WAC: variants seen among roughly 807,000 people sequenced by gnomAD.
The protein encoded by WAC is WW domain-containing adapter protein with coiled-coil.
In WAC, 11 loss-of-function variants were observed where a neutral mutation model predicts 79.6. The observed-to-expected ratio is 0.14, with a 90% CI of 0.09 to 0.23. The LOEUF is 0.23. Among genes scored for constraint, WAC ranks in the 10% least tolerant of loss-of-function variants. WAC has a pLI of 1.00. For missense variants in WAC, 728 were observed against 773.5 expected (o/e 0.94, Z 0.70); for synonymous variants, 304 against 276.9 (o/e 1.10, Z -0.97).
intron 3 of WAC, among the ~76,000 whole-genome samples, chr10:28,578,086 G>A (rs1025473308): frequency 3.3e-5 from 5 of 152,214 alleles, no homozygotes; most frequent in Non-Finnish European, 7.3e-5. Context: ...TTGAGCCCGG[G>A]AGGCAGAGGT....
intron 8 of WAC, among the ~76,000 whole-genome samples, chr10:28,609,756 T>C (rs1021160799): frequency 6.6e-6 from 1 of 151,804 alleles, no homozygotes; most frequent in Non-Finnish European, 1.5e-5. Flanking sequence ...CGCCTGTAGT[T>C]CCAGCTACTT....
chr10:28,611,460 TAAGA>T, intron 9 of WAC: 2 of 1,336,360 alleles, frequency 1.5e-6, no homozygotes. Context: ...AAATGTAGAA[TAAGA>T]AAGAAGAAAT....
chr10:28,566,229 T>C (rs888274145), intron 3 of WAC, among the ~76,000 whole-genome samples: 1 of 152,138 alleles, frequency 6.6e-6, no homozygotes, highest in Non-Finnish European at 1.5e-5. Flanking sequence ...GTTCAATAAA[T>C]TAAATGTTTG....
intron 3 of WAC, among the ~76,000 whole-genome samples, chr10:28,557,262 T>C (rs915169952): frequency 6.6e-6 from 1 of 152,244 alleles, no homozygotes; most frequent in African/African-American, 2.4e-5. Flanking sequence ...CATAATTTAA[T>C]GCATTTTCAG....
rs1370974885 is a variant in WAC at position 28,533,204 on chromosome 10, C to T, written c.-376C>T. Reference sequence around the variant, plus strand: ...GGAGGAGGAGGAGGAGAAGAAGGACCAGGCGGCGGCAGCAGCGGCGGCGGC... The same window carrying T: ...GGAGGAGGAGGAGGAGAAGAAGGACTAGGCGGCGGCAGCAGCGGCGGCGGC... On this transcript the variant is annotated 5_prime_UTR_variant, in exon 1 of 14. Transcript: ENST00000354911. 1.2e-5 allele frequency: 2 copies of T among 167,708 alleles called. No individual in the cohort carries two copies. Among genetic ancestry groups the T allele is most frequent in the African/African-American group, 2.4e-5 (1 of 40,900 alleles). The allele number at this position is 167,708 out of a possible 1,614,324, so 10.4% of individuals were successfully genotyped here. A position where few individuals can be genotyped will look rare whatever the true frequency, so the allele number is the denominator to read the frequency against.
intron 3 of WAC, among the ~76,000 whole-genome samples, chr10:28,550,828 T>C (rs1837626591): frequency 6.6e-6 from 1 of 152,194 alleles, no homozygotes; most frequent in African/African-American, 2.4e-5. Context: ...AAAAAAATTG[T>C]GTACATAATT....
At chr10:28,611,357 G>T in intron 9 of WAC, 1 of 1,295,972 alleles carries the variant, frequency 7.7e-7, no homozygotes, top group Non-Finnish European at 1.0e-6. Context: ...CAGCAGGAAT[G>T]CCTTGTCTGG....
intron 7 of WAC, among the ~76,000 whole-genome samples, chr10:28,605,348 C>T (rs2132782372): frequency 6.6e-6 from 1 of 152,200 alleles, no homozygotes; most frequent in East Asian, 1.9e-4. Context: ...GGCTTCCGTT[C>T]AGTAAATGTG....
intron 7 of WAC, among the ~76,000 whole-genome samples, chr10:28,597,319 G>C (rs999000110): frequency 6.6e-6 from 1 of 152,090 alleles, no homozygotes; most frequent in South Asian, 2.1e-4. Flanking sequence ...TTTTCCATAG[G>C]ACATTTTGGT....
At chr10:28,595,449 A>G (rs1840311506) in intron 6 of WAC, among the ~76,000 whole-genome samples, 1 of 152,026 alleles carries the variant, frequency 6.6e-6, no homozygotes, top group Non-Finnish European at 1.5e-5. Flanking sequence ...TGTTTGAACT[A>G]CAGTGTGATT....
chr10:28,570,558 G>A (rs1589171116), intron 3 of WAC, among the ~76,000 whole-genome samples: 1 of 152,166 alleles, frequency 6.6e-6, no homozygotes, highest in South Asian at 2.1e-4. Flanking sequence ...CTGCTTTTAA[G>A]TATTGGACTT....
intron 10 of WAC, 45 bp downstream of exon 10, chr10:28,611,967 T>G: frequency 6.3e-7 from 1 of 1,596,818 alleles, no homozygotes; most frequent in South Asian, 1.1e-5. Flanking sequence ...CTACTTACTT[T>G]TGGAAAGTCA....
intron 3 of WAC, chr10:28,537,720 C>T (rs1319413275): frequency 6.6e-6 from 1 of 152,196 alleles, no homozygotes; most frequent in African/African-American, 2.4e-5. Flanking sequence ...AATGCTTTGA[C>T]TCTTGAGAGC....
intron 3 of WAC, among the ~76,000 whole-genome samples, chr10:28,566,649 A>G (rs1365476469): frequency 2.0e-5 from 3 of 152,188 alleles, no homozygotes; most frequent in African/African-American, 7.2e-5. Context: ...TCTGGGTCAC[A>G]TCCAGTTTTT....
intron 7 of WAC, among the ~76,000 whole-genome samples, chr10:28,600,964 A>G (rs1246744764): frequency 6.6e-6 from 1 of 152,142 alleles, no homozygotes; most frequent in African/African-American, 2.4e-5. Flanking sequence ...TCAAAGACCT[A>G]AATTTAAGAA....
chr10:28,558,148 A>G (rs2790455), intron 3 of WAC, among the ~76,000 whole-genome samples: 53,265 of 152,084 alleles, frequency 0.35, 10,076 homozygotes, highest in East Asian at 0.54. Flanking sequence ...CTTTTGGCCT[A>G]TCTCTTTCCT....
chr10:28,572,203 G>A (rs1839010468), intron 3 of WAC, among the ~76,000 whole-genome samples: 1 of 152,044 alleles, frequency 6.6e-6, no homozygotes, highest in Non-Finnish European at 1.5e-5. Flanking sequence ...CGGGCTTGGT[G>A]GCAGGTGCAT....
Position 28,608,353 on chromosome 10 carries a change from C to T in WAC, c.1087C>T (p.Leu363Phe). The T allele has an allele frequency of 6.2e-7, 1 of 1,614,114 alleles. No individual in the cohort carries two copies. Among genetic ancestry groups the T allele is most frequent in the South Asian group, 1.1e-5 (1 of 91,084 alleles). Residue 363 changes from leucine to phenylalanine, a missense_variant, in exon 8 of 14, where the codon CTT (leucine) becomes TTT (phenylalanine). Leu to Phe is a conservative substitution (Grantham distance 22). Transcript: ENST00000354911. ...TCCCTTACTTCAGGACCCAAATCTT[C>T]TTAGACAATTGCTTCCTGCTTTGCA... ...IPPLLQDPNL[L>F]RQLLPALQAT...
At chr10:28,608,926 C>T (rs532826647) in intron 8 of WAC, among the ~76,000 whole-genome samples, 14 of 152,104 alleles carry the variant, frequency 9.2e-5, no homozygotes, top group African/African-American at 3.1e-4. Flanking sequence ...TAAAATGTTG[C>T]CATTTTTTTC....
Sources: gnomAD v4.1 joint callset for allele counts (sites outside exome capture counted in the v4.1 genomes callset) on GRCh38, gnomAD v4.1.1 for gene constraint, MANE v1.5 for transcripts, NCBI Gene and HGNC (gene_info 2026-07-23, HGNC 2026-07-21) for gene names.